AUTS2: variants seen among roughly 807,000 people sequenced by gnomAD.
AUTS2 encodes the protein activator of transcription and developmental regulator AUTS2, also known as autism susceptibility gene 2 protein.
AUTS2 carries 17 observed loss-of-function variants against 112.4 expected under a neutral mutation model. That is an observed-to-expected ratio of 0.15 (90% CI 0.10 to 0.23). The LOEUF (loss-of-function observed/expected upper bound fraction) is 0.23. Ranked by LOEUF, AUTS2 falls within the 10% of genes least tolerant of loss-of-function variation. The pLI, the probability that AUTS2 is intolerant of heterozygous loss-of-function variation, is 1.00. For missense variants in AUTS2, 1,510 were observed against 1,701.6 expected (o/e 0.89, Z 1.98); for synonymous variants, 751 against 702.7 (o/e 1.07, Z -1.09).
chr7:70,012,385 C>G (rs759439137), intron 2 of AUTS2, among the ~76,000 whole-genome samples: 4 of 152,118 alleles, frequency 2.6e-5, no homozygotes, highest in Non-Finnish European at 5.9e-5. Context: ...ATTGTTAAAC[C>G]TAGACATGAG....
At chr7:69,645,134 A>T (rs560978367) in intron 1 of AUTS2, among the ~76,000 whole-genome samples, 1 of 151,160 alleles carries the variant, frequency 6.6e-6, no homozygotes, top group Non-Finnish European at 1.5e-5. Context: ...CTGGTGTCAA[A>T]CTTCTGACCT....
intron 1 of AUTS2, chr7:69,824,428 T>C (rs561233333): frequency 6.6e-6 from 1 of 151,852 alleles, no homozygotes; most frequent in East Asian, 1.9e-4. Context: ...AAAATAAGTG[T>C]GATACTTAAT....
At chr7:70,712,800 G>A (rs902035253) in intron 6 of AUTS2, among the ~76,000 whole-genome samples, 1 of 151,984 alleles carries the variant, frequency 6.6e-6, no homozygotes, top group African/African-American at 2.4e-5. Context: ...CTTTTTTTTG[G>A]AGGGGACAGA....
intron 5 of AUTS2, among the ~76,000 whole-genome samples, chr7:70,563,082 G>A (rs1269639245): frequency 6.6e-6 from 1 of 152,120 alleles, no homozygotes; most frequent in Non-Finnish European, 1.5e-5. Context: ...AAATCTAAAA[G>A]TGGAGCTATG....
chr7:69,662,474 C>T (rs926707333), intron 1 of AUTS2, among the ~76,000 whole-genome samples: 17 of 152,156 alleles, frequency 1.1e-4, no homozygotes, highest in Non-Finnish European at 2.4e-4. Flanking sequence ...CAGTAGCACC[C>T]CTCAAGTGTG....
chr7:70,245,060 CA>C (rs1315953038), intron 4 of AUTS2, among the ~76,000 whole-genome samples: 1 of 143,814 alleles, frequency 7.0e-6, no homozygotes, highest in Non-Finnish European at 1.5e-5. Flanking sequence ...ATGAAGGTTG[CA>C]GTGAGCCAAG....
chr7:69,863,619 A>G (rs1562935405), intron 1 of AUTS2, among the ~76,000 whole-genome samples: 1 of 152,238 alleles, frequency 6.6e-6, no homozygotes, highest in Non-Finnish European at 1.5e-5. Context: ...TACAGAAACC[A>G]TGCCCCCAGT....
At chr7:70,735,701 A>G (rs1421050563) in intron 6 of AUTS2, among the ~76,000 whole-genome samples, 1 of 152,158 alleles carries the variant, frequency 6.6e-6, no homozygotes, top group African/African-American at 2.4e-5. Context: ...TGGAGGATAG[A>G]GTGCCCAGGA....
intron 1 of AUTS2, 148 bp downstream of exon 1, chr7:69,600,110 G>C (rs1562748090): frequency 3.5e-6 from 3 of 866,334 alleles, no homozygotes; most frequent in Non-Finnish European, 5.3e-6. Context: ...TATTGTTGGT[G>C]GGGGGAGCTG....
intron 5 of AUTS2, among the ~76,000 whole-genome samples, chr7:70,532,906 A>G (rs11764783): frequency 0.23 from 35,646 of 152,154 alleles, 4,261 homozygotes; most frequent in Middle Eastern, 0.36. Context: ...AAGACAGTGG[A>G]CACATTCCTC....
intron 5 of AUTS2, among the ~76,000 whole-genome samples, chr7:70,633,007 G>C (rs960568047): frequency 6.6e-6 from 1 of 151,968 alleles, no homozygotes; most frequent in Non-Finnish European, 1.5e-5. Context: ...AAAAAAAAAA[G>C]TTGGTCTGGA....
chr7:70,400,721 A>T lies in AUTS2; in HGVS notation c.661-35031A>T, dbSNP rs958116725. Among the ~76,000 whole-genome samples the T allele has an allele frequency of 2.0e-5, 3 of 152,180 alleles. No individual in the cohort carries two copies. In the East Asian group the frequency reaches 5.8e-4, roughly 29 times the overall value. ...AAACTTTTCTTTTTAAGGGAACGCC[A>T]TGGTGAGAGCTGTGCCAGGGATTCT... On this transcript the variant is annotated intron_variant, in intron 4 of 18. Transcript: ENST00000342771.
intron 1 of AUTS2, among the ~76,000 whole-genome samples, chr7:69,726,281 G>A (rs972841096): frequency 1.3e-5 from 2 of 152,028 alleles, no homozygotes; most frequent in Non-Finnish European, 2.9e-5. Context: ...AATTTCATGT[G>A]AATGGAATTA....
intron 1 of AUTS2, among the ~76,000 whole-genome samples, chr7:69,668,343 CA>C (rs2129151294): frequency 6.6e-6 from 1 of 152,224 alleles, no homozygotes; most frequent in South Asian, 2.1e-4. Context: ...TCCCAGTGGT[CA>C]TTCCCAAAAA....
chr7:69,793,553 A>C (rs780532954), intron 1 of AUTS2, among the ~76,000 whole-genome samples: 5 of 152,168 alleles, frequency 3.3e-5, no homozygotes, highest in Non-Finnish European at 5.9e-5. Context: ...GGGTGGGAAC[A>C]GTTAGTTTAG....
intron 2 of AUTS2, among the ~76,000 whole-genome samples, chr7:70,086,752 T>G (rs1243040115): frequency 6.6e-6 from 1 of 152,162 alleles, no homozygotes; most frequent in African/African-American, 2.4e-5. Context: ...CATTGTTTTA[T>G]AAATTTTAAT....
intron 5 of AUTS2, among the ~76,000 whole-genome samples, chr7:70,496,592 ATC>A (rs1798527551): frequency 6.3e-5 from 5 of 79,370 alleles, no homozygotes; most frequent in Non-Finnish European, 9.7e-5. Flanking sequence ...TCACATCAGC[ATC>A]AATCACACAC....
intron 1 of AUTS2, among the ~76,000 whole-genome samples, chr7:69,623,625 T>C (rs1445690642): frequency 2.6e-5 from 4 of 152,132 alleles, no homozygotes; most frequent in African/African-American, 9.7e-5. Flanking sequence ...TAAAATATTT[T>C]TGAGTGTTTT....
At chr7:69,666,542 A>G (rs563758648) in intron 1 of AUTS2, among the ~76,000 whole-genome samples, 2 of 152,194 alleles carry the variant, frequency 1.3e-5, no homozygotes, top group African/African-American at 2.4e-5. Context: ...GTATTGGAAA[A>G]TAGGCACTGG....
Sources: allele counts gnomAD v4.1 joint callset (sites outside exome capture counted in the v4.1 genomes callset), GRCh38; gene constraint gnomAD v4.1.1; transcripts MANE v1.5; gene names NCBI Gene and HGNC (gene_info 2026-07-23, HGNC 2026-07-21).